The following SGCZ variants were observed in gnomAD, a reference collection of about 807,000 sequenced individuals.
SGCZ encodes the protein zeta-sarcoglycan.
A neutral mutation model predicts 41.3 loss-of-function variants in SGCZ; 40 were observed. The ratio of observed to expected loss-of-function variants is 0.97; its 90% CI spans 0.75 to 1.26. SGCZ has a LOEUF of 1.26. Ranked by LOEUF, SGCZ falls within the 50% of genes most tolerant of loss-of-function variation. SGCZ has a pLI of 0.00. For missense variants in SGCZ, 552 were observed against 369.8 expected (o/e 1.49, Z -4.04); for synonymous variants, 206 against 137.5 (o/e 1.50, Z -3.49).
chr8:15,026,886 C>G (rs1344414767), intron 1 of SGCZ, among the ~76,000 whole-genome samples: 2 of 152,162 alleles, frequency 1.3e-5, no homozygotes, highest in African/African-American at 4.8e-5. Flanking sequence ...TATTGAAGCG[C>G]TAACAGCATA....
chr8:15,019,655 G>T (rs1338915338), intron 1 of SGCZ, among the ~76,000 whole-genome samples: 2 of 151,596 alleles, frequency 1.3e-5, no homozygotes, highest in African/African-American at 2.4e-5. Context: ...GGCATTCTCA[G>T]CTCACTCTGA....
At position 14,114,156 on chromosome 8, in the gene SGCZ, C is replaced by T. The variant is rs1802453616; in HGVS notation, c.548-5921G>A. ...TAACAGTTGTATACTTAGTACTGAT[C>T]ATGGATTCTGCTACATAGTTAAGGA... On this transcript the variant is annotated intron_variant, in intron 5 of 7. Coordinates refer to ENST00000382080, the MANE Select transcript of SGCZ (RefSeq NM_139167.4). Among the ~76,000 whole-genome samples, 4 of 152,092 alleles carry T rather than the reference C, an allele frequency of 2.6e-5. 1 individual carries two copies. In the South Asian group the frequency reaches 8.3e-4, roughly 32 times the overall value.
intron 1 of SGCZ, among the ~76,000 whole-genome samples, chr8:15,228,855 A>G (rs1201213730): frequency 1.3e-5 from 2 of 152,236 alleles, no homozygotes; most frequent in Non-Finnish European, 2.9e-5. Flanking sequence ...CTGGATACTC[A>G]CAGCACAGTT....
chr8:14,112,336 T>C (rs1271346407), intron 5 of SGCZ, among the ~76,000 whole-genome samples: 1 of 151,220 alleles, frequency 6.6e-6, no homozygotes, highest in African/African-American at 2.4e-5. Context: ...CAACATGATG[T>C]GAAAGAGCAA....
chr8:14,934,647 A>G (rs1800025884), intron 1 of SGCZ, among the ~76,000 whole-genome samples: 1 of 151,806 alleles, frequency 6.6e-6, no homozygotes, highest in African/African-American at 2.4e-5. Flanking sequence ...AAGCAAAATT[A>G]AGACAGAATG....
At chr8:15,076,203 T>G (rs564029189) in intron 1 of SGCZ, among the ~76,000 whole-genome samples, 1 of 152,330 alleles carries the variant, frequency 6.6e-6, no homozygotes, top group Non-Finnish European at 1.5e-5. Context: ...TCATGACTTC[T>G]ATTTTTTGGC....
intron 2 of SGCZ, among the ~76,000 whole-genome samples, chr8:14,469,730 A>G (rs1339157282): frequency 6.6e-6 from 1 of 151,962 alleles, no homozygotes; most frequent in Non-Finnish European, 1.5e-5. Flanking sequence ...AGGTTAAGTT[A>G]ACGGCCAATG....
At chr8:14,777,453 A>G (rs1585251977) in intron 1 of SGCZ, among the ~76,000 whole-genome samples, 1 of 152,216 alleles carries the variant, frequency 6.6e-6, no homozygotes, top group Admixed American at 6.5e-5. Context: ...CAGTTTAAGA[A>G]TATTAAAATT....
intron 2 of SGCZ, among the ~76,000 whole-genome samples, chr8:14,521,387 A>C (rs1417942367): frequency 2.0e-5 from 3 of 152,124 alleles, no homozygotes; most frequent in Non-Finnish European, 4.4e-5. Context: ...TATTGATAGT[A>C]ATCTGTACAA....
intron 4 of SGCZ, among the ~76,000 whole-genome samples, chr8:14,233,699 G>A (rs895743672): frequency 1.3e-5 from 2 of 150,422 alleles, no homozygotes; most frequent in African/African-American, 4.9e-5. Context: ...TTGATAGAAA[G>A]TCATGGAAAA....
intron 1 of SGCZ, among the ~76,000 whole-genome samples, chr8:15,073,158 G>A (rs1266087898): frequency 6.6e-6 from 1 of 152,168 alleles, no homozygotes; most frequent in African/African-American, 2.4e-5. Flanking sequence ...AGTGGAGGAA[G>A]GGAGCTGCAA....
chr8:14,107,964 G>C (rs898698064), intron 6 of SGCZ, among the ~76,000 whole-genome samples, 199 bp downstream of exon 6: 1 of 151,788 alleles, frequency 6.6e-6, no homozygotes, highest in Non-Finnish European at 1.5e-5. Context: ...GTTTTTATTA[G>C]TTCTTCTCAC....
intron 5 of SGCZ, among the ~76,000 whole-genome samples, chr8:14,148,077 G>C (rs1306915852): frequency 2.6e-5 from 4 of 151,966 alleles, no homozygotes; most frequent in African/African-American, 9.7e-5. Context: ...GACCATTATA[G>C]ATATAAGTGC....
chr8:14,999,101 T>C (rs1396013002), intron 1 of SGCZ, among the ~76,000 whole-genome samples: 1 of 152,218 alleles, frequency 6.6e-6, no homozygotes, highest in Non-Finnish European at 1.5e-5. Context: ...CTCTTACTGA[T>C]TCTGACTGAT....
rs1801490652 is a variant in SGCZ at position 14,085,218 on chromosome 8, A to T, written c.*5225T>A. ...AATTTTGGTAATATTGCAATTTTAC[A>T]AACATGTTGCATAGTATGTGTAAGA... On this transcript the variant is annotated 3_prime_UTR_variant, in exon 8 of 8. Coordinates refer to ENST00000382080, the MANE Select transcript of SGCZ (RefSeq NM_139167.4). 1.3e-5 allele frequency among the ~76,000 whole-genome samples: 2 copies of T among 151,838 alleles called. No homozygotes were observed. The highest frequency in any genetic ancestry group is 2.1e-4 in the South Asian group (1 of 4,830).
chr8:14,763,880 A>T (rs969380674), intron 1 of SGCZ, among the ~76,000 whole-genome samples: 1 of 152,208 alleles, frequency 6.6e-6, no homozygotes, highest in Non-Finnish European at 1.5e-5. Context: ...TCTCTATGGG[A>T]GCAAAAAGAC....
At chr8:14,569,100 A>C (rs1325304311) in intron 1 of SGCZ, among the ~76,000 whole-genome samples, 3 of 152,116 alleles carry the variant, frequency 2.0e-5, no homozygotes, top group Non-Finnish European at 4.4e-5. Context: ...TTCTAACTTT[A>C]AATATAACCC....
intron 2 of SGCZ, among the ~76,000 whole-genome samples, chr8:14,365,857 T>C (rs948929200): frequency 3.9e-5 from 6 of 152,154 alleles, no homozygotes; most frequent in African/African-American, 1.2e-4. Flanking sequence ...TATGATTATA[T>C]TGATTTCCTT....
Position 14,423,989 on chromosome 8 carries a change from G to T in SGCZ, c.235-99785C>A, listed in dbSNP as rs545327110. Among the ~76,000 whole-genome samples the T allele has an allele frequency of 3.3e-5, 5 of 152,238 alleles. No homozygotes were observed. In the South Asian group the frequency reaches 1.0e-3, roughly 32 times the overall value. ...GAACTAAAGTGTTAATGACAGGAAA[G>T]AAAGTATATGAGTTATTGTTGGGGA... On this transcript the variant is annotated intron_variant, in intron 2 of 7. Coordinates refer to ENST00000382080, the MANE Select transcript of SGCZ (RefSeq NM_139167.4).
Sources: gnomAD v4.1 joint callset for allele counts (sites outside exome capture counted in the v4.1 genomes callset) on GRCh38, gnomAD v4.1.1 for gene constraint, MANE v1.5 for transcripts, NCBI Gene and HGNC (gene_info 2026-07-23, HGNC 2026-07-21) for gene names.